Variants in WWP2 observed in about 807,000 individuals in gnomAD.
WWP2 encodes WW domain containing E3 ubiquitin protein ligase 2, also known as NEDD4-like E3 ubiquitin-protein ligase WWP2.
Under a neutral mutation model 121.0 loss-of-function variants are expected in WWP2, and 57 were observed. The ratio of observed to expected loss-of-function variants is 0.47; its 90% CI spans 0.38 to 0.59. The LOEUF is 0.59. WWP2 is among the 20% of genes least tolerant of loss of function. The pLI, the probability that WWP2 is intolerant of heterozygous loss-of-function variation, is 0.00. For missense variants in WWP2, 962 were observed against 1,158.9 expected (o/e 0.83, Z 2.47); for synonymous variants, 449 against 441.3 (o/e 1.02, Z -0.22).
chr16:69,793,819 G>T (rs1360286021), intron 2 of WWP2, among the ~76,000 whole-genome samples: 1 of 150,430 alleles, frequency 6.6e-6, no homozygotes, highest in East Asian at 2.0e-4. Context: ...CCTCTTATTA[G>T]AATTCAAGCC....
chr16:69,846,033 G>T (rs2057068818), intron 6 of WWP2, among the ~76,000 whole-genome samples: 1 of 63,664 alleles, frequency 1.6e-5, no homozygotes, highest in Admixed American at 2.0e-4. Context: ...CTGGGTGACA[G>T]AGCCAGACTC....
chr16:69,878,297 A>G (rs2057769815), intron 7 of WWP2, among the ~76,000 whole-genome samples: 2 of 152,212 alleles, frequency 1.3e-5, no homozygotes, highest in South Asian at 2.1e-4. Context: ...AAGTGAGTTC[A>G]TGCTGTTGGA....
chr16:69,840,212 G>A lies in WWP2; in HGVS notation c.427G>A (p.Gly143Arg), dbSNP rs1315198496. 2 of 1,614,126 alleles carry A rather than the reference G, an allele frequency of 1.2e-6. No homozygotes were observed. Among genetic ancestry groups the A allele is most frequent in the Middle Eastern group, 1.6e-4 (1 of 6,082 alleles). The change falls in exon 5 of 24, where the codon GGG (glycine) becomes AGG (arginine). Residue 143 changes from glycine (G) to arginine (R), a missense_variant. Around this residue, in one of 3 missense-constraint regions of WWP2, gnomAD observed 145 missense variants for 189.8 expected, o/e 0.76. Transcript: ENST00000359154. The part of the protein sequence containing the change: ...SGGELTIFLD[G>R]PTVDLGNVPN... ...CGGAGAGCTGACAATTTTCCTGGAC[G>A]GGCCAACTGTTGATCTGGGAAATGT...
intron 15 of WWP2, 87 bp downstream of exon 15, chr16:69,931,667 A>T: frequency 6.3e-7 from 1 of 1,588,072 alleles, no homozygotes; most frequent in Non-Finnish European, 8.6e-7. Flanking sequence ...TTAAACCCAC[A>T]CTGCAGACTT....
At chr16:69,874,642 G>A (rs1445846727) in intron 7 of WWP2, among the ~76,000 whole-genome samples, 2 of 152,068 alleles carry the variant, frequency 1.3e-5, no homozygotes, top group Non-Finnish European at 2.9e-5. Flanking sequence ...AGAAATAGAC[G>A]AATGGCATAG....
Position 69,840,165 on chromosome 16 carries a change from A to G in WWP2, c.380A>G (p.Asn127Ser), listed in dbSNP as rs763493082. The G allele has an allele frequency of 6.2e-7, 1 of 1,614,268 alleles. No individual in the cohort carries two copies. The highest frequency in any genetic ancestry group is 1.1e-5 in the South Asian group (1 of 91,092). The change falls in exon 5 of 24, where the codon AAC (asparagine) becomes AGC (serine). Residue 127 changes from asparagine to serine, a missense_variant. By Grantham distance (46) the Asn-to-Ser change is conservative. This residue lies in a region of WWP2 where 145 missense variants were observed against 189.8 expected (regional missense o/e 0.76). Coordinates refer to ENST00000359154, the MANE Select transcript of WWP2 (RefSeq NM_001270454.2). The stretch of plus-strand genomic sequence containing the variant: ...CTGACCCTGAACCTGCAGACGGAGA[A>G]CAAAGGCAGCGTTGTCTCAGGCGGA... ...MQLTLNLQTE[N>S]KGSVVSGGEL...
chr16:69,776,293 C>T (rs2055526234), intron 1 of WWP2: 1 of 152,198 alleles, frequency 6.6e-6, no homozygotes, highest in South Asian at 2.1e-4. Flanking sequence ...GGCCATTGCT[C>T]TGGGCCTATT....
At chr16:69,912,055 C>T (rs760052411) in intron 9 of WWP2, among the ~76,000 whole-genome samples, 6 of 151,930 alleles carry the variant, frequency 3.9e-5, no homozygotes, top group South Asian at 2.1e-4. Context: ...TTTGGGAGGC[C>T]GAGGCAGGTG....
intron 12 of WWP2, among the ~76,000 whole-genome samples, chr16:69,929,846 C>T (rs1013700291): frequency 3.3e-5 from 5 of 152,210 alleles, no homozygotes; most frequent in African/African-American, 9.6e-5. Context: ...CTCCCAACAC[C>T]CCCAAGTGAA....
At chr16:69,767,584 C>A (rs1370207910) in intron 1 of WWP2, among the ~76,000 whole-genome samples, 1 of 152,142 alleles carries the variant, frequency 6.6e-6, no homozygotes, top group African/African-American at 2.4e-5. Flanking sequence ...AGTGAAAACA[C>A]GTTGCAAGAA....
intron 6 of WWP2, among the ~76,000 whole-genome samples, chr16:69,862,292 C>T (rs747381256): frequency 6.6e-6 from 1 of 152,038 alleles, no homozygotes; most frequent in Admixed American, 6.6e-5. Context: ...CTGGAAGTCC[C>T]GACCTCAGGT....
chr16:69,927,195 T>C (rs759515828), intron 11 of WWP2, among the ~76,000 whole-genome samples: 110 of 152,196 alleles, frequency 7.2e-4, no homozygotes, highest in Non-Finnish European at 1.4e-3. Context: ...TCTCAGATCC[T>C]TGGGGATCTG....
Position 69,816,833 on chromosome 16 carries a change from A to G in WWP2, c.340+17538A>G, listed in dbSNP as rs576216839. On this transcript the variant is annotated intron_variant, in intron 4 of 23. Transcript: ENST00000359154. ...TGCACACACATATATGTGTAAACTC[A>G]TTTATTCTTCCTCCGTACATTCAAG... 7.9e-5 allele frequency among the ~76,000 whole-genome samples: 12 copies of G among 152,296 alleles called. 1 individual carries two copies. Among genetic ancestry groups the G allele is most frequent in the African/African-American group, 2.9e-4 (12 of 41,566 alleles).
intron 6 of WWP2, among the ~76,000 whole-genome samples, chr16:69,850,014 A>C (rs2057172641): frequency 6.6e-6 from 1 of 152,220 alleles, no homozygotes; most frequent in South Asian, 2.1e-4. Context: ...AGGAGGAAGG[A>C]AGGCAAATCT....
In WWP2 at chr16:69,813,016, T is replaced by C. The variant is rs183128432; in HGVS notation, c.340+13721T>C. 1.9e-3 allele frequency among the ~76,000 whole-genome samples: 297 copies of C among 152,334 alleles called. 3 individuals carry two copies. Among genetic ancestry groups the C allele is most frequent in the African/African-American group, 6.7e-3 (277 of 41,588 alleles). ...TATAGATTTTTATTTTTGAATTCCA[T>C]CCTTCCTTCTGCATTTATTAATTGG... On this transcript the variant is annotated intron_variant, in intron 4 of 23. Coordinates refer to ENST00000359154, the MANE Select transcript of WWP2 (RefSeq NM_001270454.2).
At position 69,939,060 on chromosome 16, in the gene WWP2, C is replaced by T. The variant is rs138762665; in HGVS notation, c.2377C>T (p.Arg793Trp). 7 of 1,606,506 alleles carry T rather than the reference C, an allele frequency of 4.4e-6. No individual in the cohort carries two copies. The highest frequency in any genetic ancestry group is 1.3e-5 in the African/African-American group (1 of 74,836). Residue 793 changes from arginine to tryptophan, a missense_variant, in exon 22 of 24, where the codon CGG becomes TGG. Transcript: ENST00000359154. ...GGAGATGGACAACGAGAAGAGGATC[C>T]GGCTGCTGCAGTTTGTCACCGGTAC... Reference protein sequence around the residue: ...VKEMDNEKRIRLLQFVTGTCR... With the variant: ...VKEMDNEKRIWLLQFVTGTCR...
intron 2 of WWP2, among the ~76,000 whole-genome samples, chr16:69,790,464 T>C (rs1347232785): frequency 6.6e-6 from 1 of 152,072 alleles, no homozygotes; most frequent in African/African-American, 2.4e-5. Context: ...AGAGGAAGGA[T>C]TGGTTTTGCT....
intron 2 of WWP2, among the ~76,000 whole-genome samples, chr16:69,795,463 T>C (rs1189671116): frequency 6.6e-6 from 1 of 152,076 alleles, no homozygotes; most frequent in East Asian, 1.9e-4. Context: ...ATGTGTCTCA[T>C]GGCAATGTAT....
rs140209978 is a variant in WWP2, at chr16:69,776,957, G to T, written c.-15-10039G>T. ...TAATCTAAAACCCTACCTTAGATGG[G>T]ATTGTTGTAGACCAGTAGTCTCAAG... On this transcript the variant is annotated intron_variant, in intron 1 of 23. Transcript: ENST00000359154. 1.8e-4 allele frequency among the ~76,000 whole-genome samples: 28 copies of T among 152,168 alleles called. 1 individual carries two copies. In the East Asian group the frequency reaches 5.2e-3, roughly 28 times the overall value.
Sources: gnomAD v4.1 joint callset for allele counts (sites outside exome capture counted in the v4.1 genomes callset) on GRCh38, gnomAD v4.1.1 for gene constraint, gnomAD v4.1.1 regional missense constraint, MANE v1.5 for transcripts, NCBI Gene and HGNC (gene_info 2026-07-23, HGNC 2026-07-21) for gene names.